SCAF4: variants seen among roughly 807,000 people sequenced by gnomAD.
SCAF4 encodes SR-related and CTD-associated factor 4.
A neutral mutation model predicts 129.8 loss-of-function variants in SCAF4; 25 were observed. The observed-to-expected ratio is 0.19, with a 90% CI of 0.14 to 0.27. The LOEUF (loss-of-function observed/expected upper bound fraction) is 0.27. Among genes scored for constraint, SCAF4 ranks in the 10% least tolerant of loss-of-function variants. The pLI, the probability that SCAF4 is intolerant of heterozygous loss-of-function variation, is 1.00. For missense variants in SCAF4, 1,246 were observed against 1,457.1 expected (o/e 0.86, Z 2.36); for synonymous variants, 551 against 497.7 (o/e 1.11, Z -1.43).
chr21:31,671,682 C>T lies in SCAF4; in HGVS notation c.3161G>A (p.Ser1054Asn). The change falls in exon 20 of 20, where the codon AGT becomes AAT. Residue 1054 changes from serine (S) to asparagine (N), a missense_variant. Transcript: ENST00000286835. ...RDLEERNRRS[S>N]GHRDRERDSR... Reference sequence around the variant, plus strand: ...ATCTCTCTCTCTGTCTCGATGCCCACTAGAGCGTCTATTTCTCTCTTCCAA... The same window carrying T: ...ATCTCTCTCTCTGTCTCGATGCCCATTAGAGCGTCTATTTCTCTCTTCCAA... 1.2e-6 allele frequency: 2 copies of T among 1,613,972 alleles called. No individual in the cohort carries two copies. The highest frequency in any genetic ancestry group is 1.7e-6 in the Non-Finnish European group (2 of 1,179,876).
rs959791843 is a variant in SCAF4 at position 31,731,759 on chromosome 21, G to A, written c.-67C>T. 16 of 1,530,210 alleles carry A rather than the reference G, an allele frequency of 1.0e-5. No individual in the cohort carries two copies. The highest frequency in any genetic ancestry group is 1.4e-5 in the African/African-American group (1 of 69,816). 94.8% of individuals were successfully genotyped at this position (1,530,210 alleles called of 1,614,324 possible). On this transcript the variant is annotated 5_prime_UTR_variant, in exon 1 of 20. Transcript: ENST00000286835. ...ATAGACCTCGCGCCGCGGCGGAGCG[G>A]GGCTGGGAAACCAGCCGGGCCTGGT...
chr21:31,683,709 GAA>G (rs1203083328), intron 19 of SCAF4, among the ~76,000 whole-genome samples: 2 of 141,720 alleles, frequency 1.4e-5, no homozygotes, highest in African/African-American at 2.6e-5. Context: ...ATGTTAATAT[GAA>G]AAAAAAAAAA....
Position 31,685,216 on chromosome 21 carries a change from T to C in SCAF4, c.2321A>G (p.Asp774Gly). The change falls in exon 19 of 20, where the codon GAC becomes GGC. Residue 774 changes from aspartate to glycine, a missense_variant. By Grantham distance (94) the Asp-to-Gly change is moderately conservative. This residue lies in a region of SCAF4 where 468 missense variants were observed against 605.5 expected (regional missense o/e 0.77). Coordinates refer to ENST00000286835, the MANE Select transcript of SCAF4 (RefSeq NM_020706.2). ...TCCAATAGATAAGTCTTTTGTAGTG[T>C]CTTCATTTATACCAGCGATAGTAGC... ...PNSTIAGINEDTTKDLSIGNP... is the reference protein window; with the variant it reads ...PNSTIAGINEGTTKDLSIGNP... The C allele has an allele frequency of 1.2e-6, 2 of 1,608,718 alleles. No homozygotes were observed. Among genetic ancestry groups the C allele is most frequent in the Non-Finnish European group, 8.5e-7 (1 of 1,176,028 alleles).
At chr21:31,731,512 A>ACAGGCCCCGCTCCGCG in intron 1 of SCAF4, 151 bp downstream of exon 1, 1 of 885,988 alleles carries the variant, frequency 1.1e-6, no homozygotes, top group East Asian at 3.2e-5. Flanking sequence ...CTCCCGGGCC[A>ACAGGCCCCGCTCCGCG]CAGGCCCCGC....
chr21:31,677,348 C>T (rs957672520), intron 19 of SCAF4, among the ~76,000 whole-genome samples: 3 of 152,108 alleles, frequency 2.0e-5, no homozygotes, highest in East Asian at 1.9e-4. Context: ...GTAGTTTTTG[C>T]CCATCTTTCA....
intron 4 of SCAF4, among the ~76,000 whole-genome samples, chr21:31,702,676 A>AC (rs1490492384): frequency 3.9e-5 from 6 of 151,918 alleles, no homozygotes; most frequent in Admixed American, 3.3e-4. Context: ...ACTATCACTG[A>AC]CCCCCCAAAA....
chr21:31,728,850 A>T (rs1018246069), intron 1 of SCAF4, among the ~76,000 whole-genome samples: 8 of 152,160 alleles, frequency 5.3e-5, no homozygotes, highest in Non-Finnish European at 8.8e-5. Flanking sequence ...CCTGTTCAAA[A>T]ATCAAACACA....
intron 1 of SCAF4, 30 bp from the exon 2 acceptor site, chr21:31,706,387 A>G (rs1047879857): frequency 1.4e-6 from 2 of 1,448,376 alleles, no homozygotes; most frequent in Non-Finnish European, 1.9e-6. Context: ...ACAAAAAGTA[A>G]AGTTTAACTA....
At chr21:31,689,419 T>C (rs2050205275) in intron 15 of SCAF4, among the ~76,000 whole-genome samples, 1 of 151,402 alleles carries the variant, frequency 6.6e-6, no homozygotes, top group Non-Finnish European at 1.5e-5. Context: ...AGCCTCAGCG[T>C]TCCAAGTAGC....
chr21:31,705,728 T>C lies in SCAF4; in HGVS notation c.115-261A>G, dbSNP rs546325855. Among the ~76,000 whole-genome samples, 29 of 152,236 alleles carry C rather than the reference T, an allele frequency of 1.9e-4. No homozygotes were observed. The South Asian group carries it at 4.8e-3, about 25-fold the overall frequency. The stretch of plus-strand genomic sequence containing the variant: ...AATAAACCTTCATGAAGCAGAATAT[T>C]TGGCAACCTTATGGGACAAAACCAA... On this transcript the variant is annotated intron_variant, in intron 2 of 19. Coordinates refer to ENST00000286835, the MANE Select transcript of SCAF4 (RefSeq NM_020706.2).
intron 1 of SCAF4, among the ~76,000 whole-genome samples, chr21:31,719,578 C>A (rs1029073105): frequency 1.3e-5 from 2 of 152,052 alleles, no homozygotes; most frequent in Non-Finnish European, 2.9e-5. Flanking sequence ...GATCTCAGCG[C>A]ACCACAACCT....
intron 11 of SCAF4, among the ~76,000 whole-genome samples, 178 bp downstream of exon 11, chr21:31,694,026 G>A (rs1259059283): frequency 2.0e-5 from 3 of 151,638 alleles, no homozygotes; most frequent in Non-Finnish European, 4.4e-5. Context: ...GATGAATGAT[G>A]TAGTTTTTTT....
At chr21:31,699,669 T>C (rs2050474393) in intron 7 of SCAF4, among the ~76,000 whole-genome samples, 1 of 152,236 alleles carries the variant, frequency 6.6e-6, no homozygotes, top group African/African-American at 2.4e-5. Context: ...TCTGTTTTTA[T>C]AGTTAGGATG....
chr21:31,718,847 C>T (rs916379268), intron 1 of SCAF4, among the ~76,000 whole-genome samples: 1 of 152,220 alleles, frequency 6.6e-6, no homozygotes, highest in African/African-American at 2.4e-5. Context: ...TTCTCCTCCA[C>T]AATCTTGTTG....
rs541867604 is a variant in SCAF4, at chr21:31,715,829, C to T, written c.31-9472G>A. ...TCCACTTAGCAATACTGTCATCCTGCCCATATTTTTCTAATTCATTCATAA... is the reference window on the plus strand; with the variant it reads ...TCCACTTAGCAATACTGTCATCCTGTCCATATTTTTCTAATTCATTCATAA... On this transcript the variant is annotated intron_variant, in intron 1 of 19. Transcript: ENST00000286835. Among the ~76,000 whole-genome samples, 26 of 152,302 alleles carry T rather than the reference C, an allele frequency of 1.7e-4. No individual in the cohort carries two copies. In the South Asian group the frequency reaches 5.2e-3, roughly 30 times the overall value.
At chr21:31,713,271 C>T (rs79548833) in intron 1 of SCAF4, among the ~76,000 whole-genome samples, 4 of 152,164 alleles carry the variant, frequency 2.6e-5, no homozygotes, top group Non-Finnish European at 4.4e-5. Flanking sequence ...GTTAGAATAA[C>T]GGTAAGTGCA....
intron 1 of SCAF4, among the ~76,000 whole-genome samples, chr21:31,725,645 T>C (rs1248046977): frequency 6.6e-6 from 1 of 152,204 alleles, no homozygotes; most frequent in Non-Finnish European, 1.5e-5. Context: ...TGAGTCCCTT[T>C]CCGTGGTTTG....
chr21:31,688,114 C>CAAAAAAAAAAAAAAAAAAAAAAAA (rs61592268), intron 16 of SCAF4, among the ~76,000 whole-genome samples, 193 bp downstream of exon 16: 1 of 10,908 alleles, frequency 9.2e-5, no homozygotes, highest in African/African-American at 3.1e-4. Flanking sequence ...GACTCTGTCT[C>CAAAAAAAAAAAAAAAAAAAAAAAA]AAAAAAAAAA....
In SCAF4 at chr21:31,690,931, C is replaced by A; in HGVS notation, c.1751G>T (p.Gly584Val). Residue 584 changes from glycine to valine, a missense_variant, in exon 15 of 20, where the codon GGA becomes GTA. This residue lies in a region of SCAF4 where 468 missense variants were observed against 605.5 expected (regional missense o/e 0.77). Coordinates refer to ENST00000286835, the MANE Select transcript of SCAF4 (RefSeq NM_020706.2). ...ATACTGCTTATAATCTGCCTTTATT[C>A]CTTTGTTTAAGGCCCAGGCAATCTA... is the stretch of plus-strand genomic sequence containing the variant. ...SIKIAWALNKGIKADYKQYWD... is the reference protein window; with the variant it reads ...SIKIAWALNKVIKADYKQYWD... 6.2e-7 allele frequency: 1 copy of A among 1,610,974 alleles called. No individual in the cohort carries two copies. The highest frequency in any genetic ancestry group is 8.5e-7 in the Non-Finnish European group (1 of 1,178,658).
Sources: gnomAD v4.1 joint callset for allele counts (sites outside exome capture counted in the v4.1 genomes callset) on GRCh38, gnomAD v4.1.1 for gene constraint, gnomAD v4.1.1 regional missense constraint, MANE v1.5 for transcripts, NCBI Gene and HGNC (gene_info 2026-07-23, HGNC 2026-07-21) for gene names.